PRKD1: variants seen among roughly 807,000 people sequenced by gnomAD.
The protein encoded by PRKD1 is protein kinase D1.
Under a neutral mutation model 95.9 loss-of-function variants are expected in PRKD1, and 63 were observed. That is an observed-to-expected ratio of 0.66 (90% CI 0.54 to 0.81). PRKD1 has a LOEUF of 0.81. PRKD1 is among the 30% of genes least tolerant of loss of function. The pLI is 0.00. For missense variants in PRKD1, 1,048 were observed against 1,165.3 expected (o/e 0.90, Z 1.47); for synonymous variants, 425 against 423.1 (o/e 1.00, Z -0.05).
intron 13 of PRKD1, among the ~76,000 whole-genome samples, chr14:29,611,362 T>C (rs1878444777): frequency 6.6e-6 from 1 of 152,000 alleles, no homozygotes; most frequent in African/African-American, 2.4e-5. Context: ...CAATAAAACC[T>C]CAACGAAATC....
At chr14:29,672,679 C>T (rs1035064275) in intron 2 of PRKD1, among the ~76,000 whole-genome samples, 1 of 152,024 alleles carries the variant, frequency 6.6e-6, no homozygotes, top group Non-Finnish European at 1.5e-5. Flanking sequence ...TTTAATTCAG[C>T]ATAGTTACAG....
chr14:29,844,277 T>C (rs1269577011), intron 1 of PRKD1, among the ~76,000 whole-genome samples: 3 of 152,168 alleles, frequency 2.0e-5, no homozygotes, highest in Non-Finnish European at 4.4e-5. Flanking sequence ...AGAAGAGCTC[T>C]TGGAGAAGTG....
intron 9 of PRKD1, 39 bp from the exon 10 acceptor site, chr14:29,631,060 A>G (rs1879974798): frequency 6.5e-7 from 1 of 1,535,842 alleles, no homozygotes; most frequent in Non-Finnish European, 8.8e-7. Flanking sequence ...GTTTATCAAA[A>G]GTATGTAAAC....
At chr14:29,878,340 A>AC (rs1367696336) in intron 1 of PRKD1, among the ~76,000 whole-genome samples, 3 of 134,910 alleles carry the variant, frequency 2.2e-5, no homozygotes, top group African/African-American at 9.6e-5. Flanking sequence ...AGTTCTAATG[A>AC]CAAAAAAAAA....
At chr14:29,869,852 T>C (rs1423576096) in intron 1 of PRKD1, among the ~76,000 whole-genome samples, 8 of 152,216 alleles carry the variant, frequency 5.3e-5, no homozygotes. Context: ...CCTCTTTTTA[T>C]TTTGGCCTAC....
intron 1 of PRKD1, among the ~76,000 whole-genome samples, chr14:29,873,557 A>G (rs961551971): frequency 9.9e-5 from 15 of 152,192 alleles, no homozygotes; most frequent in Non-Finnish European, 2.9e-5. Flanking sequence ...TTTGTACATA[A>G]CAGATATTCA....
At position 29,883,028 on chromosome 14, in the gene PRKD1, A is replaced by G. The variant is rs757518168; in HGVS notation, c.264+44221T>C. Among the ~76,000 whole-genome samples the G allele has an allele frequency of 2.7e-4, 41 of 152,322 alleles. 1 individual carries two copies. The highest frequency in any genetic ancestry group is 6.8e-3 in the Middle Eastern group (2 of 294). ...GAAAAGAAGTTCTGCAGGCTATACA[A>G]GCATGGTGCTGGCATCTGCCTGGCT... On this transcript the variant is annotated intron_variant, in intron 1 of 17. Transcript: ENST00000331968.
At chr14:29,605,116 C>A (rs994639210) in intron 13 of PRKD1, among the ~76,000 whole-genome samples, 5 of 152,058 alleles carry the variant, frequency 3.3e-5, no homozygotes, top group Non-Finnish European at 7.4e-5. Context: ...TGCCTTGGTT[C>A]GAGCCCTCAT....
intron 1 of PRKD1, among the ~76,000 whole-genome samples, chr14:29,798,981 CCT>C (rs1889921784): frequency 6.6e-6 from 1 of 152,146 alleles, no homozygotes; most frequent in Non-Finnish European, 1.5e-5. Flanking sequence ...CACTTTTACT[CCT>C]CTTTCTTGGG....
chr14:29,710,633 A>G (rs573044023), intron 2 of PRKD1, among the ~76,000 whole-genome samples: 5 of 152,254 alleles, frequency 3.3e-5, no homozygotes, highest in African/African-American at 1.2e-4. Flanking sequence ...CTAGAGATTG[A>G]GTCCCGAGCA....
chr14:29,696,431 A>G (rs189062665), intron 2 of PRKD1, among the ~76,000 whole-genome samples: 18 of 152,334 alleles, frequency 1.2e-4, no homozygotes, highest in Admixed American at 1.0e-3. Flanking sequence ...TGGATTACAG[A>G]CTAGAGCTGA....
chr14:29,609,882 C>G (rs951088689), intron 13 of PRKD1, among the ~76,000 whole-genome samples: 1 of 151,862 alleles, frequency 6.6e-6, no homozygotes, highest in African/African-American at 2.4e-5. Flanking sequence ...ATTCAAAAAC[C>G]TATCCACACA....
intron 13 of PRKD1, among the ~76,000 whole-genome samples, chr14:29,617,848 C>G (rs986942435): frequency 6.6e-6 from 1 of 152,124 alleles, no homozygotes; most frequent in East Asian, 1.9e-4. Context: ...GGGAGGATGA[C>G]TTAAGTTCAG....
intron 1 of PRKD1, among the ~76,000 whole-genome samples, chr14:29,748,895 T>G (rs1420881086): frequency 6.6e-6 from 1 of 152,130 alleles, no homozygotes; most frequent in East Asian, 1.9e-4. Context: ...ACGAAATCCT[T>G]AATGTTGTTT....
chr14:29,832,573 T>C (rs899992160), intron 1 of PRKD1, among the ~76,000 whole-genome samples: 13 of 152,128 alleles, frequency 8.5e-5, no homozygotes, highest in Admixed American at 3.3e-4. Flanking sequence ...AAATCAAATT[T>C]ATGTAACCAT....
chr14:29,721,883 C>T (rs1427942729), intron 2 of PRKD1, among the ~76,000 whole-genome samples: 1 of 151,948 alleles, frequency 6.6e-6, no homozygotes, highest in Non-Finnish European at 1.5e-5. Context: ...TTTAAATGTA[C>T]TAGCTCACAC....
At chr14:29,691,207 C>T (rs989409724) in intron 2 of PRKD1, among the ~76,000 whole-genome samples, 2 of 152,188 alleles carry the variant, frequency 1.3e-5, no homozygotes, top group East Asian at 1.9e-4. Context: ...CCCCAGTTTT[C>T]CGAGTTCCTA....
At chr14:29,589,896 T>A (rs768656932) in intron 16 of PRKD1, among the ~76,000 whole-genome samples, 25 of 152,138 alleles carry the variant, frequency 1.6e-4, no homozygotes, top group Non-Finnish European at 2.8e-4. Context: ...ATTTTAAATA[T>A]TTAAAATTTT....
At chr14:29,821,885 ACCT>A (rs992060095) in intron 1 of PRKD1, among the ~76,000 whole-genome samples, 6 of 151,694 alleles carry the variant, frequency 4.0e-5, no homozygotes, top group Non-Finnish European at 7.4e-5. Context: ...CCCACACACA[ACCT>A]CCTCAAGCAG....
Sources: gnomAD v4.1 joint callset for allele counts (sites outside exome capture counted in the v4.1 genomes callset) on GRCh38, gnomAD v4.1.1 for gene constraint, MANE v1.5 for transcripts, NCBI Gene and HGNC (gene_info 2026-07-23, HGNC 2026-07-21) for gene names.